VWA8: variants seen among roughly 807,000 people sequenced by gnomAD.
VWA8 encodes the protein von Willebrand factor A domain containing 8, also known as von Willebrand factor A domain-containing protein 8.
Under a neutral mutation model 241.5 loss-of-function variants are expected in VWA8, and 221 were observed. The ratio of observed to expected loss-of-function variants is 0.91; its 90% CI spans 0.82 to 1.02. The LOEUF is 1.02. Ranked by LOEUF, VWA8 falls within the 50% of genes least tolerant of loss-of-function variation. The pLI is 0.00. For synonymous variants in VWA8, 852 were observed against 827.1 expected (o/e 1.03, Z -0.52); for missense variants, 2,322 against 2,328.7 (o/e 1.00, Z 0.06).
chr13:41,698,050 C>A (rs2137823953), intron 29 of VWA8, among the ~76,000 whole-genome samples: 1 of 152,104 alleles, frequency 6.6e-6, no homozygotes, highest in Admixed American at 6.5e-5. Context: ...TTTAAATATC[C>A]CCCTTTCAAT....
At chr13:41,813,441 T>C (rs772357202) in intron 16 of VWA8, among the ~76,000 whole-genome samples, 3 of 152,134 alleles carry the variant, frequency 2.0e-5, no homozygotes, top group Non-Finnish European at 4.4e-5. Flanking sequence ...AAGTCAAATA[T>C]AACTCAGAAA....
At chr13:41,625,698 G>T (rs2044685460) in intron 37 of VWA8, among the ~76,000 whole-genome samples, 2 of 152,056 alleles carry the variant, frequency 1.3e-5, no homozygotes, top group Admixed American at 1.3e-4. Flanking sequence ...TCTAGAACTA[G>T]AAATACCATT....
At chr13:41,870,701 A>G (rs1000737250) in intron 9 of VWA8, among the ~76,000 whole-genome samples, 1 of 152,036 alleles carries the variant, frequency 6.6e-6, no homozygotes, top group Non-Finnish European at 1.5e-5. Context: ...AAAACAAATA[A>G]ATGAGCTTAA....
intron 20 of VWA8, among the ~76,000 whole-genome samples, chr13:41,770,891 C>A: frequency 1.2e-5 from 1 of 81,104 alleles, no homozygotes; most frequent in Admixed American, 1.7e-4. Flanking sequence ...AAAAAGCTGG[C>A]TTAAAATGAC....
At chr13:41,575,275 G>T (rs1305054539) in intron 43 of VWA8, among the ~76,000 whole-genome samples, 1 of 152,116 alleles carries the variant, frequency 6.6e-6, no homozygotes, top group Non-Finnish European at 1.5e-5. Flanking sequence ...AAGGTTCTCA[G>T]GGGGGTGAGG....
intron 29 of VWA8, among the ~76,000 whole-genome samples, chr13:41,697,971 C>T (rs2045225996): frequency 6.6e-6 from 1 of 152,106 alleles, no homozygotes; most frequent in Admixed American, 6.5e-5. Context: ...TTTAAACCTA[C>T]TATTCCTTTT....
At chr13:41,626,259 A>T in intron 37 of VWA8, among the ~76,000 whole-genome samples, 1 of 152,084 alleles carries the variant, frequency 6.6e-6, no homozygotes, top group East Asian at 1.9e-4. Flanking sequence ...AAACACTCAT[A>T]AATCAGAGAT....
chr13:41,930,102 G>T (rs754072919), intron 2 of VWA8, among the ~76,000 whole-genome samples: 2 of 152,106 alleles, frequency 1.3e-5, no homozygotes, highest in Admixed American at 1.3e-4. Flanking sequence ...GTGTAAAAAT[G>T]GCCAACAGGT....
intron 15 of VWA8, 82 bp from the exon 16 acceptor site, chr13:41,816,857 G>A: frequency 9.8e-7 from 1 of 1,017,094 alleles, no homozygotes; most frequent in Non-Finnish European, 1.5e-6. Flanking sequence ...TGACTACTTA[G>A]CAAATAATAT....
intron 2 of VWA8, among the ~76,000 whole-genome samples, chr13:41,916,982 C>T (rs1876289538): frequency 6.6e-6 from 1 of 152,152 alleles, no homozygotes; most frequent in African/African-American, 2.4e-5. Flanking sequence ...GAGCTTGATC[C>T]TATATTCTAA....
chr13:41,602,290 T>C (rs868807271), intron 40 of VWA8, among the ~76,000 whole-genome samples: 1 of 152,132 alleles, frequency 6.6e-6, no homozygotes, highest in African/African-American at 2.4e-5. Flanking sequence ...TGTAAGCATA[T>C]GCTTTTTATG....
chr13:41,686,844 G>C (rs1051686655), intron 34 of VWA8, among the ~76,000 whole-genome samples: 1 of 151,994 alleles, frequency 6.6e-6, no homozygotes, highest in Admixed American at 6.6e-5. Context: ...CTCACACAGG[G>C]ACACATACTT....
chr13:41,899,526 C>T (rs1030335378), intron 4 of VWA8, among the ~76,000 whole-genome samples: 1 of 152,106 alleles, frequency 6.6e-6, no homozygotes, highest in African/African-American at 2.4e-5. Flanking sequence ...AGAAGATGCT[C>T]TTTGGAAACA....
intron 37 of VWA8, among the ~76,000 whole-genome samples, chr13:41,660,681 CGCT>C (rs1328834632): frequency 5.3e-5 from 8 of 152,250 alleles, no homozygotes; most frequent in East Asian, 1.9e-4. Flanking sequence ...CACTGAATCA[CGCT>C]GCTGCAACTG....
intron 2 of VWA8, among the ~76,000 whole-genome samples, chr13:41,929,151 ATTTTTTT>A (rs367906772): frequency 6.1e-4 from 77 of 126,670 alleles, no homozygotes; most frequent in African/African-American, 2.2e-3. Context: ...CTTGACTTTA[ATTTTTTT>A]TTTTTTTTTT....
At chr13:41,650,667 C>A (rs1408169639) in intron 37 of VWA8, among the ~76,000 whole-genome samples, 2 of 152,218 alleles carry the variant, frequency 1.3e-5, no homozygotes, top group East Asian at 3.8e-4. Flanking sequence ...AGGTGTCAGG[C>A]TCCTAGGTGG....
At chr13:41,581,696 C>CT (rs10710306) in intron 42 of VWA8, among the ~76,000 whole-genome samples, 51 of 149,024 alleles carry the variant, frequency 3.4e-4, no homozygotes, top group Non-Finnish European at 4.8e-4. Flanking sequence ...GTTTAAGTTT[C>CT]TTTTTTTTTT....
At chr13:41,767,940 A>G (rs1339468910) in intron 20 of VWA8, among the ~76,000 whole-genome samples, 2 of 152,264 alleles carry the variant, frequency 1.3e-5, no homozygotes, top group African/African-American at 4.8e-5. Context: ...AAATTCAAGA[A>G]AAAATATTCA....
chr13:41,880,372 A>C (rs528553264), intron 9 of VWA8, among the ~76,000 whole-genome samples: 1 of 152,212 alleles, frequency 6.6e-6, no homozygotes, highest in African/African-American at 2.4e-5. Flanking sequence ...CTATACCCCT[A>C]AACACTCCAG....
Sources: gnomAD v4.1 joint callset for allele counts (sites outside exome capture counted in the v4.1 genomes callset) on GRCh38, gnomAD v4.1.1 for gene constraint, MANE v1.5 for transcripts, NCBI Gene and HGNC (gene_info 2026-07-23, HGNC 2026-07-21) for gene names.